Variants in ATP4A observed in about 807,000 individuals in gnomAD.
ATP4A encodes the protein ATPase H+/K+ transporting subunit alpha.
A neutral mutation model predicts 112.1 loss-of-function variants in ATP4A; 73 were observed. That is an observed-to-expected ratio of 0.65 (90% confidence interval 0.54 to 0.79). ATP4A has a LOEUF of 0.79. ATP4A is among the 30% of genes least tolerant of loss of function. The pLI, the probability that ATP4A is intolerant of heterozygous loss-of-function variation, is 0.00. For synonymous variants in ATP4A, 588 were observed against 588.9 expected (o/e 1.00, Z 0.02); for missense variants, 1,081 against 1,425.9 (o/e 0.76, Z 3.90).
chr19:35,559,527 G>T lies in ATP4A; in HGVS notation c.1056+278C>A, dbSNP rs1055115799. ...TGGAGCTGGGTGCTGACTGTGGAAGGTCTGGTGACATGCTGGCTGCCTGCA... is the reference window on the plus strand; with the variant it reads ...TGGAGCTGGGTGCTGACTGTGGAAGTTCTGGTGACATGCTGGCTGCCTGCA... On this transcript the variant is annotated intron_variant, in intron 7 of 21. Transcript: ENST00000262623. This position sits in a 1 kb window ranked among gnomAD's most constrained non-coding sequence, Gnocchi z 4.1. Among the ~76,000 whole-genome samples, 2 of 152,222 alleles carry T rather than the reference G, an allele frequency of 1.3e-5. No homozygotes were observed. Among genetic ancestry groups the T allele is most frequent in the Non-Finnish European group, 2.9e-5 (2 of 68,032 alleles).
At position 35,550,883 on chromosome 19, in the gene ATP4A, G is replaced by A. The variant is rs144537248; in HGVS notation, c.3030C>T (p.Ile1010=). ...GCTTCCGGATCTCATCATAGACGAA[G>A]ATGAGGATGCCGTAGGGCAGGGGGA... ...WLVPLPYGIL[I]FVYDEIRKLG... Residue 1010 remains isoleucine (I), a synonymous_variant, in exon 21 of 22, where the codon ATC becomes ATT. Transcript: ENST00000262623. This position sits in a 1 kb window ranked among gnomAD's most constrained non-coding sequence, Gnocchi z 4.1. The A allele has an allele frequency of 1.1e-4, 180 of 1,614,108 alleles. 1 individual carries two copies. The African/African-American group carries it at 2.3e-3, about 21-fold the overall frequency.
At position 35,555,175 on chromosome 19, in the gene ATP4A, C is replaced by T. The variant is rs761437112; in HGVS notation, c.2317G>A (p.Val773Met). The T allele has an allele frequency of 9.9e-6, 16 of 1,614,142 alleles. No homozygotes were observed. Among genetic ancestry groups the T allele is most frequent in the Middle Eastern group, 1.7e-4 (1 of 6,058 alleles). ...CTGGCGTGGCTCGGACCCTGCTCCA[C>T]GCCTGTCACAATGGAGGCAAAGTTG... is the stretch of plus-strand genomic sequence containing the variant. ...DDNFASIVTG[V>M]EQGRLIFDNL... Residue 773 changes from valine (V) to methionine (M), a missense_variant, in exon 15 of 22, where the codon GTG becomes ATG. Coordinates refer to ENST00000262623, the MANE Select transcript of ATP4A (RefSeq NM_000704.3). The surrounding 1 kb of genome is among the most constrained non-coding windows in gnomAD (Gnocchi z 6.6).
Position 35,558,906 on chromosome 19 carries a change from A to T in ATP4A, c.1255+87T>A. The T allele has an allele frequency of 6.5e-7, 1 of 1,529,714 alleles. No individual in the cohort carries two copies. Among genetic ancestry groups the T allele is most frequent in the Non-Finnish European group, 9.0e-7 (1 of 1,116,148 alleles). 94.8% of individuals were successfully genotyped at this position (1,529,714 alleles called of 1,614,324 possible). A position where few individuals can be genotyped will look rare whatever the true frequency, so the allele number is the denominator to read the frequency against. ...GAGCCGAGCCGCCCCGCCTTCGTAC[A>T]AAGCCCTCCCTACCTCCCTATCCCT... On this transcript the variant is annotated intron_variant, in intron 8 of 21. Transcript: ENST00000262623. This position sits in a 1 kb window ranked among gnomAD's most constrained non-coding sequence, Gnocchi z 5.1.
rs199729049 is a variant in ATP4A at position 35,558,733 on chromosome 19, G to C, written c.1256-47C>G. 6.6e-7 allele frequency: 1 copy of C among 1,520,240 alleles called. No individual in the cohort carries two copies. The highest frequency in any genetic ancestry group is 2.4e-5 in the East Asian group (1 of 42,008). The allele number at this position is 1,520,240 out of a possible 1,614,324, so 94.2% of individuals were successfully genotyped here. On this transcript the variant is annotated intron_variant, in intron 8 of 21. Transcript: ENST00000262623. The surrounding 1 kb of genome is among the most constrained non-coding windows in gnomAD (Gnocchi z 5.1). ...TGGGTCCCGCACGGCGGCTCTCCCG[G>C]ACCAGAACCGAGCCCCCTCCTCCTA...
rs374432084 is a variant in ATP4A, at chr19:35,560,280, G to A, written c.787+83C>T. 5.1e-6 allele frequency: 8 copies of A among 1,578,212 alleles called. No individual in the cohort carries two copies. In the African/African-American group the frequency reaches 9.4e-5, roughly 19 times the overall value. On this transcript the variant is annotated intron_variant, in intron 6 of 21. Transcript: ENST00000262623. The surrounding 1 kb of genome is among the most constrained non-coding windows in gnomAD (Gnocchi z 5.1). ...CATGCAGGAGAGAGACAGGGAGGCT[G>A]AAGCCCCCTGTCCTAGAAGATAGCA...
chr19:35,555,123 C>T lies in ATP4A; in HGVS notation c.2326+43G>A, dbSNP rs1285598912. 1 of 1,613,896 alleles carries T rather than the reference C, an allele frequency of 6.2e-7. No homozygotes were observed. Among genetic ancestry groups the T allele is most frequent in the Admixed American group, 1.7e-5 (1 of 60,010 alleles). On this transcript the variant is annotated intron_variant, in intron 15 of 21. Coordinates refer to ENST00000262623, the MANE Select transcript of ATP4A (RefSeq NM_000704.3). The surrounding 1 kb of genome is among the most constrained non-coding windows in gnomAD (Gnocchi z 6.6). Reference sequence around the variant, plus strand: ...TCAGCCTCCTCACAGCCCTCTCCCTCCTGTGCCCACACTGCCTGCCCTCCC... The same window carrying T: ...TCAGCCTCCTCACAGCCCTCTCCCTTCTGTGCCCACACTGCCTGCCCTCCC...
At position 35,557,138 on chromosome 19, in the gene ATP4A, T is replaced by C; in HGVS notation, c.1694-50A>G. The C allele has an allele frequency of 1.3e-6, 2 of 1,599,582 alleles. No individual in the cohort carries two copies. The highest frequency in any genetic ancestry group is 2.2e-5 in the South Asian group (2 of 90,416). On this transcript the variant is annotated intron_variant, in intron 11 of 21. Coordinates refer to ENST00000262623, the MANE Select transcript of ATP4A (RefSeq NM_000704.3). This position sits in a 1 kb window ranked among gnomAD's most constrained non-coding sequence, Gnocchi z 4.4. Reference sequence around the variant, plus strand: ...GAAGAGCCCTGGGCACACCCTTTCTTAGCAGGGCCAGGAAATGGGTAAAAT... The same window carrying C: ...GAAGAGCCCTGGGCACACCCTTTCTCAGCAGGGCCAGGAAATGGGTAAAAT...
rs1317479978 is a variant in ATP4A at position 35,559,930 on chromosome 19, T to C, written c.931A>G (p.Ile311Val). Residue 311 changes from isoleucine to valine, a missense_variant, in exon 7 of 22, where the codon ATT becomes GTT. Ile to Val is a conservative substitution (Grantham distance 29, BLOSUM62 3). This residue lies in a region of ATP4A where 850 missense variants were observed against 1,068.2 expected (regional missense o/e 0.80). Transcript: ENST00000262623. The surrounding 1 kb of genome is among the most constrained non-coding windows in gnomAD (Gnocchi z 4.1). ...ATAAAAAATGTGGCACCGAAGAGAA[T>C]GGCCAGGCCCGCGATGATGTCCACA... The part of the protein sequence containing the change: ...HFVDIIAGLA[I>V]LFGATFFIVA... 1.9e-6 allele frequency: 3 copies of C among 1,614,026 alleles called. No individual in the cohort carries two copies. Among genetic ancestry groups the C allele is most frequent in the African/African-American group, 2.7e-5 (2 of 74,910 alleles).
rs1286536070 is a variant in ATP4A, at chr19:35,553,782, C to A, written c.2529G>T (p.Met843Ile). 1 of 1,607,698 alleles carries A rather than the reference C, an allele frequency of 6.2e-7. No individual in the cohort carries two copies. Among genetic ancestry groups the A allele is most frequent in the Non-Finnish European group, 8.5e-7 (1 of 1,177,256 alleles). The part of the protein sequence containing the change: ...LAYEKAESDI[M>I]HLRPRNPKRD... Reference sequence around the variant, plus strand: ...GCTTTGGGTTGCGTGGACGCAGGTGCATGATGTCACTCTCGGCCTTTTCAT... The same window carrying A: ...GCTTTGGGTTGCGTGGACGCAGGTGAATGATGTCACTCTCGGCCTTTTCAT... Residue 843 changes from methionine (M) to isoleucine (I), a missense_variant, in exon 17 of 22, where the codon ATG (methionine) becomes ATT (isoleucine). By Grantham distance (10) the Met-to-Ile change is conservative. Around this residue, in one of 3 missense-constraint regions of ATP4A, gnomAD observed 219 missense variants for 320.9 expected, o/e 0.68. Coordinates refer to ENST00000262623, the MANE Select transcript of ATP4A (RefSeq NM_000704.3).
Position 35,557,982 on chromosome 19 carries a change from G to C in ATP4A, c.1501-135C>G, listed in dbSNP as rs1419002680. 2 of 750,932 alleles carry C rather than the reference G, an allele frequency of 2.7e-6. No homozygotes were observed. Among genetic ancestry groups the C allele is most frequent in the East Asian group, 5.6e-5 (2 of 35,502 alleles). 46.5% of individuals were successfully genotyped at this position (750,932 alleles called of 1,614,324 possible). A position where few individuals can be genotyped will look rare whatever the true frequency, so the allele number is the denominator to read the frequency against. On this transcript the variant is annotated intron_variant, in intron 10 of 21. Coordinates refer to ENST00000262623, the MANE Select transcript of ATP4A (RefSeq NM_000704.3). The surrounding 1 kb of genome is among the most constrained non-coding windows in gnomAD (Gnocchi z 4.4). ...GGCTCTGAGAGCTGCGGGGAAGGGT[G>C]AAGGTGGAAGATGGAGGCCTTGTGT...
rs769077364 is a variant in ATP4A at position 35,551,133 on chromosome 19, C to T, written c.2886-22G>A. On this transcript the variant is annotated intron_variant, in intron 19 of 21. Coordinates refer to ENST00000262623, the MANE Select transcript of ATP4A (RefSeq NM_000704.3). The surrounding 1 kb of genome is among the most constrained non-coding windows in gnomAD (Gnocchi z 5.2). ...ATTCCTGGGGGTGGGCAGAATGGGA[C>T]AGGCCATTAGGAATTGGGGACGTGA... 2 of 1,587,242 alleles carry T rather than the reference C, an allele frequency of 1.3e-6. No homozygotes were observed. Among genetic ancestry groups the T allele is most frequent in the South Asian group, 1.1e-5 (1 of 87,504 alleles).
chr19:35,563,399 C>T lies in ATP4A; in HGVS notation c.141G>A (p.Lys47=), dbSNP rs765062885. Reference sequence around the variant, plus strand: ...CAGAGCTCACAATCTCCATCTCCTTCTTCATGTTCTCCAGCTTCTCCTTCC... The same window carrying T: ...CAGAGCTCACAATCTCCATCTCCTTTTTCATGTTCTCCAGCTTCTCCTTCC... The part of the protein sequence containing the change: ...GKRKEKLENM[K]KEMEINDHQL... The change falls in exon 2 of 22, where the codon AAG becomes AAA. Residue 47 remains lysine (K), a synonymous_variant. Transcript: ENST00000262623. 30 of 1,613,184 alleles carry T rather than the reference C, an allele frequency of 1.9e-5. No individual in the cohort carries two copies. Among genetic ancestry groups the T allele is most frequent in the Admixed American group, 1.8e-4 (11 of 59,912 alleles).
chr19:35,553,214 G>C (rs1403163126), intron 17 of ATP4A, 32 bp from the exon 18 acceptor site: 1 of 1,575,644 alleles, frequency 6.3e-7, no homozygotes, highest in African/African-American at 1.3e-5. Flanking sequence ...CAGGGAGACA[G>C]AGATGGACAC....
In ATP4A at chr19:35,551,222, C is replaced by T; in HGVS notation, c.2886-111G>A. On this transcript the variant is annotated intron_variant, in intron 19 of 21. Coordinates refer to ENST00000262623, the MANE Select transcript of ATP4A (RefSeq NM_000704.3). This position sits in a 1 kb window ranked among gnomAD's most constrained non-coding sequence, Gnocchi z 5.2. ...TCAGCAGCAGCAGGGAGGTGTTCTA[C>T]ACACTGAACACTGGAGTGGCCCGGG... 4.1e-6 allele frequency: 5 copies of T among 1,218,780 alleles called. No individual in the cohort carries two copies. The highest frequency in any genetic ancestry group is 5.8e-6 in the Non-Finnish European group (5 of 856,028). The allele number at this position is 1,218,780 out of a possible 1,614,324, so 75.5% of individuals were successfully genotyped here.
chr19:35,560,389 G>A lies in ATP4A; in HGVS notation c.761C>T (p.Ala254Val), dbSNP rs2071661477. 1 of 1,613,974 alleles carries A rather than the reference G, an allele frequency of 6.2e-7. No homozygotes were observed. The highest frequency in any genetic ancestry group is 2.2e-5 in the East Asian group (1 of 44,880). Residue 254 changes from alanine (A) to valine (V), a missense_variant, in exon 6 of 22, where the codon GCC becomes GTC. Around this residue, in one of 3 missense-constraint regions of ATP4A, gnomAD observed 850 missense variants for 1,068.2 expected, o/e 0.80. Coordinates refer to ENST00000262623, the MANE Select transcript of ATP4A (RefSeq NM_000704.3). This position sits in a 1 kb window ranked among gnomAD's most constrained non-coding sequence, Gnocchi z 5.1. ...CTCAAGGCACATGGTGGAGAAGAAG[G>A]CGATGTTGCGGGTCTCCAGAGGGCT... ...HESPLETRNIAFFSTMCLEGT... is the reference protein window; with the variant it reads ...HESPLETRNIVFFSTMCLEGT...
Position 35,558,665 on chromosome 19 carries a change from G to A in ATP4A, c.1277C>T (p.Ser426Leu). The A allele has an allele frequency of 1.9e-6, 3 of 1,602,216 alleles. No individual in the cohort carries two copies. Among genetic ancestry groups the A allele is most frequent in the African/African-American group, 1.3e-5 (1 of 75,004 alleles). Residue 426 changes from serine to leucine, a missense_variant, in exon 9 of 22, where the codon TCG (serine) becomes TTG (leucine). Transcript: ENST00000262623. This position sits in a 1 kb window ranked among gnomAD's most constrained non-coding sequence, Gnocchi z 5.1. ...DQSGQTFDQS[S>L]ETWRALCRVL... ...CCGGCACAGCGCCCGCCACGTCTCC[G>A]AGGACTGGTCAAACGTCTGCCCTGC...
chr19:35,560,683 G>T lies in ATP4A; in HGVS notation c.535-68C>A. The T allele has an allele frequency of 6.3e-7, 1 of 1,590,446 alleles. No individual in the cohort carries two copies. The highest frequency in any genetic ancestry group is 8.6e-7 in the Non-Finnish European group (1 of 1,165,384). Reference sequence around the variant, plus strand: ...GGTGGGAGCTGCTGCATGTGGGGAGGTAAAGGATGAGGAGAGCTGGGACCC... The same window carrying T: ...GGTGGGAGCTGCTGCATGTGGGGAGTTAAAGGATGAGGAGAGCTGGGACCC... On this transcript the variant is annotated intron_variant, in intron 5 of 21. Coordinates refer to ENST00000262623, the MANE Select transcript of ATP4A (RefSeq NM_000704.3). The surrounding 1 kb of genome is among the most constrained non-coding windows in gnomAD (Gnocchi z 5.1).
At chr19:35,553,295 C>A in intron 17 of ATP4A, 113 bp from the exon 18 acceptor site, 1 of 1,234,354 alleles carries the variant, frequency 8.1e-7, no homozygotes, top group Middle Eastern at 2.0e-4. Flanking sequence ...CAAGGACACA[C>A]AGACAGGGAC....
Position 35,551,314 on chromosome 19 carries a change from A to G in ATP4A, c.2885+133T>C. 2 of 1,444,756 alleles carry G rather than the reference A, an allele frequency of 1.4e-6. No homozygotes were observed. The highest frequency in any genetic ancestry group is 1.9e-6 in the Non-Finnish European group (2 of 1,060,252). The allele number at this position is 1,444,756 out of a possible 1,614,324, so 89.5% of individuals were successfully genotyped here. The stretch of plus-strand genomic sequence containing the variant: ...TGGGGGGAGTTATTGGCCAGTTAGA[A>G]AGGTTTTTTTGGCATGTCACCATCT... On this transcript the variant is annotated intron_variant, in intron 19 of 21. Transcript: ENST00000262623. The surrounding 1 kb of genome is among the most constrained non-coding windows in gnomAD (Gnocchi z 5.2).
Sources: gnomAD v4.1 joint callset for allele counts (sites outside exome capture counted in the v4.1 genomes callset) on GRCh38, gnomAD v4.1.1 for gene constraint, gnomAD v4.1.1 regional missense constraint, Gnocchi (gnomAD v3.1) non-coding constraint, MANE v1.5 for transcripts, NCBI Gene and HGNC (gene_info 2026-07-23, HGNC 2026-07-21) for gene names.